The following FNDC3B variants were observed in gnomAD, a reference collection of about 807,000 sequenced individuals.
FNDC3B encodes fibronectin type III domain containing 3B.
FNDC3B carries 12 observed loss-of-function variants against 151.5 expected under a neutral mutation model. That is an observed-to-expected ratio of 0.08 (90% CI 0.05 to 0.13). FNDC3B has a LOEUF of 0.13. Ranked by LOEUF, FNDC3B falls within the 10% of genes least tolerant of loss-of-function variation. The pLI, the probability that FNDC3B is intolerant of heterozygous loss-of-function variation, is 1.00. For synonymous variants in FNDC3B, 528 were observed against 549.0 expected (o/e 0.96, Z 0.54); for missense variants, 1,214 against 1,505.3 (o/e 0.81, Z 3.20).
At chr3:172,209,135 G>A (rs999098614) in intron 3 of FNDC3B, among the ~76,000 whole-genome samples, 1 of 152,012 alleles carries the variant, frequency 6.6e-6, no homozygotes, top group African/African-American at 2.4e-5. Flanking sequence ...GGGTGGGGGT[G>A]GGGGTCGTGT....
chr3:172,310,635 C>A (rs1290418684), intron 10 of FNDC3B, among the ~76,000 whole-genome samples, 193 bp from the exon 11 acceptor site: 1 of 152,194 alleles, frequency 6.6e-6, no homozygotes, highest in Non-Finnish European at 1.5e-5. Context: ...ATAGTGGGGA[C>A]TCTCTCTACT....
At chr3:172,229,455 G>A (rs1726776689) in intron 4 of FNDC3B, among the ~76,000 whole-genome samples, 1 of 143,104 alleles carries the variant, frequency 7.0e-6, no homozygotes. Context: ...ATTTCCCCCT[G>A]TCTGGAATAC....
chr3:172,176,762 T>C (rs1723617471), intron 3 of FNDC3B, among the ~76,000 whole-genome samples: 1 of 152,206 alleles, frequency 6.6e-6, no homozygotes, highest in South Asian at 2.1e-4. Flanking sequence ...GAAAAAATTA[T>C]TCTGTGATAT....
intron 23 of FNDC3B, among the ~76,000 whole-genome samples, chr3:172,374,430 G>A (rs909858404): frequency 3.3e-5 from 5 of 152,074 alleles, no homozygotes; most frequent in African/African-American, 4.8e-5. Flanking sequence ...ACAGAGTCTC[G>A]CTCTTGCCCA....
chr3:172,291,407 T>C (rs1427770463), intron 7 of FNDC3B, among the ~76,000 whole-genome samples: 17 of 152,174 alleles, frequency 1.1e-4, no homozygotes, highest in Non-Finnish European at 2.9e-5. Flanking sequence ...CAGACCCTTT[T>C]ATAGCAGTTA....
At chr3:172,298,005 G>C (rs1035074842) in intron 8 of FNDC3B, among the ~76,000 whole-genome samples, 2 of 152,200 alleles carry the variant, frequency 1.3e-5, no homozygotes, top group African/African-American at 2.4e-5. Context: ...GCAGGAGCTA[G>C]TCTAGGGTCA....
intron 1 of FNDC3B, among the ~76,000 whole-genome samples, chr3:172,103,870 G>A (rs1719496450): frequency 6.6e-6 from 1 of 152,118 alleles, no homozygotes; most frequent in African/African-American, 2.4e-5. Flanking sequence ...CCTCAACCAA[G>A]CAGCTGGGCA....
intron 9 of FNDC3B, among the ~76,000 whole-genome samples, chr3:172,299,961 A>G (rs1345717073): frequency 1.3e-5 from 2 of 152,260 alleles, no homozygotes; most frequent in Non-Finnish European, 2.9e-5. Flanking sequence ...GTTCTTAAAA[A>G]TAAGTTTAAA....
chr3:172,227,500 C>A (rs775651983), intron 4 of FNDC3B, among the ~76,000 whole-genome samples: 2 of 152,276 alleles, frequency 1.3e-5, no homozygotes, highest in South Asian at 4.1e-4. Context: ...TCTCAGAGAT[C>A]TGTGGGAAGG....
rs145669314 is a variant in FNDC3B at position 172,204,608 on chromosome 3, A to G, written c.188-22263A>G. On this transcript the variant is annotated intron_variant, in intron 3 of 25. Coordinates refer to ENST00000415807, the MANE Select transcript of FNDC3B (RefSeq NM_022763.4). ...AATTGATACATATGAAGGAGTTTTG[A>G]TTACTTTATAAACTGTCTCTTAGTT... Among the ~76,000 whole-genome samples the G allele has an allele frequency of 2.8e-3, 434 of 152,324 alleles. 1 individual carries two copies. Among genetic ancestry groups the G allele is most frequent in the Non-Finnish European group, 5.0e-3 (342 of 68,020 alleles).
intron 1 of FNDC3B, among the ~76,000 whole-genome samples, chr3:172,067,483 T>C (rs1200573021): frequency 6.6e-6 from 1 of 152,226 alleles, no homozygotes; most frequent in African/African-American, 2.4e-5. Context: ...ATTACACTTA[T>C]GAATGAAATA....
At chr3:172,339,667 G>A (rs1054284210) in intron 16 of FNDC3B, among the ~76,000 whole-genome samples, 4 of 152,216 alleles carry the variant, frequency 2.6e-5, no homozygotes, top group African/African-American at 4.8e-5. Flanking sequence ...CCAGTGGCTC[G>A]TTGTGAATAT....
chr3:172,296,458 G>T (rs1206807592), intron 8 of FNDC3B, among the ~76,000 whole-genome samples: 1 of 152,100 alleles, frequency 6.6e-6, no homozygotes, highest in Non-Finnish European at 1.5e-5. Context: ...TGCTACCCAG[G>T]CTACCTCCAC....
intron 1 of FNDC3B, among the ~76,000 whole-genome samples, chr3:172,082,747 A>G (rs901513197): frequency 5.3e-5 from 8 of 152,278 alleles, no homozygotes; most frequent in Admixed American, 2.6e-4. Context: ...GTGGATTTTT[A>G]TGACTCTTTG....
At chr3:172,076,037 T>G (rs1717992586) in intron 1 of FNDC3B, among the ~76,000 whole-genome samples, 2 of 152,116 alleles carry the variant, frequency 1.3e-5, no homozygotes, top group Non-Finnish European at 2.9e-5. Flanking sequence ...TTTTACAGGC[T>G]TAAGGTCCCA....
intron 21 of FNDC3B, among the ~76,000 whole-genome samples, chr3:172,350,544 G>A (rs1350946441): frequency 2.0e-5 from 3 of 152,110 alleles, no homozygotes; most frequent in Admixed American, 2.0e-4. Context: ...AGAGAGTTGA[G>A]GTATTGAGGT....
intron 1 of FNDC3B, among the ~76,000 whole-genome samples, chr3:172,054,710 C>G (rs372574831): frequency 6.6e-6 from 1 of 152,108 alleles, no homozygotes; most frequent in South Asian, 2.1e-4. Context: ...TAAAAATGCC[C>G]CTGAACAGGG....
intron 6 of FNDC3B, among the ~76,000 whole-genome samples, chr3:172,270,152 T>C (rs1729127923): frequency 1.3e-5 from 2 of 152,232 alleles, no homozygotes; most frequent in South Asian, 4.1e-4. Context: ...AATGTTATTG[T>C]AGTGCTTGTT....
chr3:172,077,415 T>C (rs779773830), intron 1 of FNDC3B, among the ~76,000 whole-genome samples: 6 of 152,220 alleles, frequency 3.9e-5, no homozygotes, highest in Non-Finnish European at 8.8e-5. Context: ...TCAGTCAGAA[T>C]AGGATTGCAT....
Sources: allele counts gnomAD v4.1 joint callset (sites outside exome capture counted in the v4.1 genomes callset), GRCh38; gene constraint gnomAD v4.1.1; transcripts MANE v1.5; gene names NCBI Gene and HGNC (gene_info 2026-07-23, HGNC 2026-07-21).